The following CEP128 variants were observed in gnomAD, a reference collection of about 807,000 sequenced individuals.
The protein encoded by CEP128 is centrosomal protein 128kDa.
Under a neutral mutation model 156.7 loss-of-function variants are expected in CEP128, and 132 were observed. That is an observed-to-expected ratio of 0.84 (90% CI 0.73 to 0.97). CEP128 has a LOEUF of 0.97. CEP128 is among the 50% of genes least tolerant of loss of function. The pLI is 0.00. For synonymous variants in CEP128, 469 were observed against 448.9 expected (o/e 1.04, Z -0.57); for missense variants, 1,252 against 1,281.9 (o/e 0.98, Z 0.36).
intron 8 of CEP128, among the ~76,000 whole-genome samples, chr14:80,887,715 A>G (rs1295643494): frequency 3.3e-5 from 5 of 152,224 alleles, no homozygotes; most frequent in Non-Finnish European, 5.9e-5. Context: ...CATAATTAAA[A>G]GAACTAGAGA....
intron 15 of CEP128, among the ~76,000 whole-genome samples, chr14:80,784,217 T>C (rs1385593859): frequency 6.6e-6 from 1 of 151,830 alleles, no homozygotes; most frequent in African/African-American, 2.4e-5. Context: ...CAGAGAGTCT[T>C]CATTTCAATA....
chr14:80,515,856 G>A (rs1011682058), intron 23 of CEP128, among the ~76,000 whole-genome samples: 4 of 152,128 alleles, frequency 2.6e-5, no homozygotes, highest in African/African-American at 9.7e-5. Flanking sequence ...GGCGAGTACT[G>A]CCTGGGTACC....
chr14:80,792,780 G>A lies in CEP128; in HGVS notation c.1540C>T (p.Leu514=). Residue 514 remains leucine (L), a synonymous_variant, in exon 14 of 25, where the codon CTG becomes TTG. Transcript: ENST00000555265. ...LEKQSETVDE[L]TGKNNQILKE... ...TATACCTGATTATTCTTGCCTGTCA[G>A]TTCATCAACAGTTTCAGATTGTTTC... is the stretch of plus-strand genomic sequence containing the variant. 6.2e-7 allele frequency: 1 copy of A among 1,613,910 alleles called. No individual in the cohort carries two copies. Among genetic ancestry groups the A allele is most frequent in the South Asian group, 1.1e-5 (1 of 91,082 alleles).
At chr14:80,849,100 A>G (rs1566668962) in intron 9 of CEP128, among the ~76,000 whole-genome samples, 1 of 152,222 alleles carries the variant, frequency 6.6e-6, no homozygotes, top group Non-Finnish European at 1.5e-5. Context: ...TATTTTTTAA[A>G]TAGAGCTGAC....
At chr14:80,828,161 T>C (rs1210942539) in intron 13 of CEP128, among the ~76,000 whole-genome samples, 15 of 149,172 alleles carry the variant, frequency 1.0e-4, no homozygotes, top group Non-Finnish European at 2.2e-4. Flanking sequence ...TCTCACTCTG[T>C]CGCCCATTCT....
chr14:80,708,010 T>C lies in CEP128; in HGVS notation c.2806+35065A>G, dbSNP rs536254473. Among the ~76,000 whole-genome samples, 3 of 152,312 alleles carry C rather than the reference T, an allele frequency of 2.0e-5. No homozygotes were observed. The East Asian group carries it at 5.8e-4, about 29-fold the overall frequency. On this transcript the variant is annotated intron_variant, in intron 19 of 24. Transcript: ENST00000555265. ...AGCATATAAGTCATTTATCTCATATTATGGTATATCCTGTAGATTAATGTG... is the reference window on the plus strand; with the variant it reads ...AGCATATAAGTCATTTATCTCATATCATGGTATATCCTGTAGATTAATGTG...
chr14:80,945,228 C>T (rs1384549545), upstream of CEP128, among the ~76,000 whole-genome samples: 1 of 152,174 alleles, frequency 6.6e-6, no homozygotes, highest in Non-Finnish European at 1.5e-5. Context: ...CCTGTATGAG[C>T]ACATACATGG....
chr14:80,795,827 A>T (rs1002831287), intron 13 of CEP128, among the ~76,000 whole-genome samples: 1 of 152,214 alleles, frequency 6.6e-6, no homozygotes, highest in African/African-American at 2.4e-5. Flanking sequence ...ACCAATGGTC[A>T]GTTTCTTCTC....
At chr14:80,785,800 T>C (rs1442342478) in intron 14 of CEP128, among the ~76,000 whole-genome samples, 6 of 152,146 alleles carry the variant, frequency 3.9e-5, no homozygotes, top group Non-Finnish European at 8.8e-5. Context: ...CTTATTTCAA[T>C]CCATGGTCAC....
chr14:80,670,972 C>T (rs1895816812), intron 19 of CEP128, among the ~76,000 whole-genome samples: 1 of 152,050 alleles, frequency 6.6e-6, no homozygotes, highest in East Asian at 1.9e-4. Context: ...TTACCTTGAT[C>T]TGTAAGAAAA....
intron 19 of CEP128, among the ~76,000 whole-genome samples, chr14:80,594,224 G>A (rs774422851): frequency 2.0e-5 from 3 of 152,152 alleles, no homozygotes; most frequent in African/African-American, 4.8e-5. Flanking sequence ...AATGGGGAAA[G>A]GATTCCCTAT....
intron 14 of CEP128, among the ~76,000 whole-genome samples, chr14:80,482,015 C>G (rs1264514140): frequency 6.6e-6 from 1 of 152,056 alleles, no homozygotes; most frequent in African/African-American, 2.4e-5. Flanking sequence ...TGTCAAGGGA[C>G]AAAGAGAGTT....
chr14:80,559,268 C>T lies in CEP128; in HGVS notation c.2880+11G>A, dbSNP rs1291314942. 3.7e-6 allele frequency: 6 copies of T among 1,604,212 alleles called. No homozygotes were observed. Among genetic ancestry groups the T allele is most frequent in the South Asian group, 2.2e-5 (2 of 89,554 alleles). The stretch of plus-strand genomic sequence containing the variant: ...TTCTGATAAAAGGAGAAAGAAAATG[C>T]CCCAACTTACCGTTTCTAATGCAAT... On this transcript the variant is annotated intron_variant, in intron 21 of 24. Coordinates refer to ENST00000555265, the MANE Select transcript of CEP128 (RefSeq NM_152446.5).
chr14:80,904,653 A>G (rs1004367727), intron 6 of CEP128, among the ~76,000 whole-genome samples, 160 bp downstream of exon 6: 5 of 152,162 alleles, frequency 3.3e-5, no homozygotes, highest in African/African-American at 1.2e-4. Context: ...AATAAAAAGT[A>G]AAAGTCGTTT....
chr14:80,811,976 T>C (rs1258889434), intron 13 of CEP128, among the ~76,000 whole-genome samples: 1 of 152,226 alleles, frequency 6.6e-6, no homozygotes, highest in African/African-American at 2.4e-5. Context: ...GTTTGTTACA[T>C]GGGTAAATTG....
At chr14:80,799,011 G>T (rs1883664645) in intron 13 of CEP128, among the ~76,000 whole-genome samples, 2 of 152,178 alleles carry the variant, frequency 1.3e-5, no homozygotes, top group African/African-American at 4.8e-5. Context: ...AAACTTGTAA[G>T]GGTAAGTGAG....
At chr14:80,630,755 G>A (rs1463812074) in intron 19 of CEP128, among the ~76,000 whole-genome samples, 8 of 151,936 alleles carry the variant, frequency 5.3e-5, no homozygotes, top group African/African-American at 1.7e-4. Flanking sequence ...CCAATATAAC[G>A]AAAATTAGTT....
intron 19 of CEP128, among the ~76,000 whole-genome samples, chr14:80,692,008 T>C (rs1201406130): frequency 6.6e-6 from 1 of 152,122 alleles, no homozygotes; most frequent in Non-Finnish European, 1.5e-5. Flanking sequence ...ACAGGCTGGA[T>C]GCAAGGGGCA....
At chr14:80,513,633 C>T (rs988752879) in intron 23 of CEP128, among the ~76,000 whole-genome samples, 1 of 152,118 alleles carries the variant, frequency 6.6e-6, no homozygotes, top group Non-Finnish European at 1.5e-5. Context: ...AGACTAAGCT[C>T]TATTTTTTAA....
Sources: gnomAD v4.1 joint callset for allele counts (sites outside exome capture counted in the v4.1 genomes callset) on GRCh38, gnomAD v4.1.1 for gene constraint, MANE v1.5 for transcripts, NCBI Gene and HGNC (gene_info 2026-07-23, HGNC 2026-07-21) for gene names.